GPC6: variants seen among roughly 807,000 people sequenced by gnomAD.
GPC6 encodes the protein glypican-6.
In GPC6, 14 loss-of-function variants were observed where a neutral mutation model predicts 55.2. That is an observed-to-expected ratio of 0.25 (90% confidence interval 0.17 to 0.40). GPC6 has a LOEUF of 0.40. Ranked by LOEUF, GPC6 falls within the 10% of genes least tolerant of loss-of-function variation. The pLI is 1.00. For synonymous variants in GPC6, 278 were observed against 259.6 expected, an observed-to-expected ratio of 1.07 and a Z score of -0.68; for missense variants, 641 against 708.5, an observed-to-expected ratio of 0.90 and a Z score of 1.08.
chr13:93,954,004 C>T lies in GPC6; in HGVS notation c.712-73725C>T, dbSNP rs529919558. Among the ~76,000 whole-genome samples the T allele has an allele frequency of 2.2e-4, 33 of 152,152 alleles. No individual in the cohort carries two copies. The South Asian group carries it at 4.2e-3, about 19-fold the overall frequency. On this transcript the variant is annotated intron_variant, in intron 3 of 8. Transcript: ENST00000377047. ...GAGCAACCATCACTATTGTCTAATTCCAGAACATTTTTATCATCCCAAAAG... is the reference window on the plus strand; with the variant it reads ...GAGCAACCATCACTATTGTCTAATTTCAGAACATTTTTATCATCCCAAAAG...
chr13:93,590,242 T>C (rs1011423964), intron 2 of GPC6, among the ~76,000 whole-genome samples: 2 of 152,174 alleles, frequency 1.3e-5, no homozygotes, highest in Admixed American at 6.5e-5. Flanking sequence ...ATTAATAGTT[T>C]TGTGAACCTT....
chr13:93,676,879 C>T (rs983323080), intron 2 of GPC6, among the ~76,000 whole-genome samples: 1 of 151,996 alleles, frequency 6.6e-6, no homozygotes, highest in African/African-American at 2.4e-5. Flanking sequence ...GTCTGGAACT[C>T]TATCTCGGTG....
intron 4 of GPC6, among the ~76,000 whole-genome samples, chr13:94,163,784 A>G (rs1888253001): frequency 6.6e-6 from 1 of 152,212 alleles, no homozygotes; most frequent in Non-Finnish European, 1.5e-5. Flanking sequence ...AAGGCATTGC[A>G]TAATCTTAAT....
chr13:94,053,973 T>A (rs1884044042), intron 4 of GPC6, among the ~76,000 whole-genome samples: 1 of 152,098 alleles, frequency 6.6e-6, no homozygotes, highest in Non-Finnish European at 1.5e-5. Context: ...AAAGCAAATT[T>A]GGACAGGCAT....
chr13:93,601,142 A>G (rs1449125519), intron 2 of GPC6, among the ~76,000 whole-genome samples: 1 of 151,746 alleles, frequency 6.6e-6, no homozygotes, highest in Non-Finnish European at 1.5e-5. Flanking sequence ...TGAACCCAGC[A>G]CTTTGGGACG....
intron 4 of GPC6, among the ~76,000 whole-genome samples, chr13:94,107,776 C>T (rs763849957): frequency 4.6e-5 from 7 of 151,954 alleles, no homozygotes; most frequent in African/African-American, 7.2e-5. Flanking sequence ...GACCAGCAAA[C>T]ATGTGAAAAA....
chr13:93,392,984 A>G (rs578020670), intron 1 of GPC6, among the ~76,000 whole-genome samples: 1 of 151,894 alleles, frequency 6.6e-6, no homozygotes, highest in Non-Finnish European at 1.5e-5. Flanking sequence ...CATACAGAAG[A>G]TTCTTGGAGT....
At chr13:93,736,514 G>A (rs986686857) in intron 2 of GPC6, among the ~76,000 whole-genome samples, 1 of 152,042 alleles carries the variant, frequency 6.6e-6, no homozygotes, top group Non-Finnish European at 1.5e-5. Context: ...AATTGATAGG[G>A]GTAGGAGATG....
chr13:93,636,262 G>A (rs1362924345), intron 2 of GPC6, among the ~76,000 whole-genome samples: 3 of 152,150 alleles, frequency 2.0e-5, no homozygotes, highest in Non-Finnish European at 4.4e-5. Context: ...CGTCATTGGA[G>A]TATTTAATCC....
At chr13:93,988,921 A>G (rs1303410381) in intron 3 of GPC6, among the ~76,000 whole-genome samples, 1 of 152,194 alleles carries the variant, frequency 6.6e-6, no homozygotes, top group Non-Finnish European at 1.5e-5. Flanking sequence ...AAAGATAGAT[A>G]GATACATAGA....
At chr13:94,115,067 T>A (rs1886388590) in intron 4 of GPC6, among the ~76,000 whole-genome samples, 1 of 152,112 alleles carries the variant, frequency 6.6e-6, no homozygotes, top group Non-Finnish European at 1.5e-5. Flanking sequence ...CAAGGCAGTG[T>A]TGGGAATATT....
Position 93,980,173 on chromosome 13 carries a change from G to A in GPC6, c.712-47556G>A, listed in dbSNP as rs964944555. Among the ~76,000 whole-genome samples, 5 of 152,130 alleles carry A rather than the reference G, an allele frequency of 3.3e-5. No homozygotes were observed. In the East Asian group the frequency reaches 9.7e-4, roughly 29 times the overall value. ...TCAGCTTGTGCCTGTACCAACTGAG[G>A]CTTTTCTCCCCTTTTTAATGGGTTG... On this transcript the variant is annotated intron_variant, in intron 3 of 8. Coordinates refer to ENST00000377047, the MANE Select transcript of GPC6 (RefSeq NM_005708.5).
At chr13:93,654,141 G>A (rs1264104519) in intron 2 of GPC6, among the ~76,000 whole-genome samples, 3 of 152,116 alleles carry the variant, frequency 2.0e-5, no homozygotes, top group Non-Finnish European at 4.4e-5. Context: ...AATGCTGAAT[G>A]ATCTTTTAAC....
chr13:93,968,708 A>G (rs1283063335), intron 3 of GPC6, among the ~76,000 whole-genome samples: 1 of 152,218 alleles, frequency 6.6e-6, no homozygotes, highest in Non-Finnish European at 1.5e-5. Context: ...TGTGGAATAC[A>G]TAAAGGTGAT....
At chr13:94,341,902 A>G (rs1395591443) in intron 6 of GPC6, among the ~76,000 whole-genome samples, 1 of 152,234 alleles carries the variant, frequency 6.6e-6, no homozygotes, top group Non-Finnish European at 1.5e-5. Context: ...GTCAAAGGTA[A>G]ATAAGTTATG....
At chr13:93,712,283 A>G (rs1420750737) in intron 2 of GPC6, among the ~76,000 whole-genome samples, 1 of 151,790 alleles carries the variant, frequency 6.6e-6, no homozygotes. Flanking sequence ...ACAAAGAATG[A>G]GAGAGAAGAT....
intron 3 of GPC6, among the ~76,000 whole-genome samples, chr13:93,995,835 T>C (rs1306389035): frequency 6.6e-6 from 1 of 152,200 alleles, no homozygotes; most frequent in African/African-American, 2.4e-5. Flanking sequence ...TTGGGATTCA[T>C]AATTCTACCC....
intron 2 of GPC6, among the ~76,000 whole-genome samples, chr13:93,612,463 C>A (rs1878515453): frequency 6.6e-6 from 1 of 150,834 alleles, no homozygotes; most frequent in Non-Finnish European, 1.5e-5. Flanking sequence ...TGCGCCACTG[C>A]ACTCCAGCCT....
rs71272211 is a variant in GPC6, at chr13:93,728,560, CTTAT to C, written c.320-101575_320-101572del. Among the ~76,000 whole-genome samples, 13 of 149,402 alleles carry C rather than the reference CTTAT, an allele frequency of 8.7e-5. No individual in the cohort carries two copies. In the East Asian group the frequency reaches 1.4e-3, roughly 16 times the overall value. Reference sequence around the variant, plus strand: ...CCAGCCTTATTTTATCTTATGTTATCTTATTTATTTATTTATTTATTTTTGAGAC... The same window carrying C: ...CCAGCCTTATTTTATCTTATGTTATCTTATTTATTTATTTATTTTTGAGAC... On this transcript the variant is annotated intron_variant, in intron 2 of 8. Coordinates refer to ENST00000377047, the MANE Select transcript of GPC6 (RefSeq NM_005708.5).
Sources: gnomAD v4.1 joint callset for allele counts (sites outside exome capture counted in the v4.1 genomes callset) on GRCh38, gnomAD v4.1.1 for gene constraint, MANE v1.5 for transcripts, NCBI Gene and HGNC (gene_info 2026-07-23, HGNC 2026-07-21) for gene names.